Variants in LINGO2 observed in about 807,000 individuals in gnomAD.
LINGO2 encodes the protein leucine rich repeat and Ig domain containing 2, also known as leucine-rich repeat and immunoglobulin-like domain-containing nogo receptor-interacting protein 2.
LINGO2 carries 14 observed loss-of-function variants against 30.6 expected under a neutral mutation model. The ratio of observed to expected loss-of-function variants is 0.46; its 90% CI spans 0.30 to 0.72. The LOEUF is 0.72. LINGO2 is among the 30% of genes least tolerant of loss of function. LINGO2 has a pLI of 0.07. For synonymous variants in LINGO2, 317 were observed against 288.5 expected, an observed-to-expected ratio of 1.10 and a Z score of -1.00; for missense variants, 729 against 751.7, an observed-to-expected ratio of 0.97 and a Z score of 0.35.
the LINGO2 span, among the ~76,000 whole-genome samples, chr9:28,877,946 T>A: frequency 6.6e-6 from 1 of 152,124 alleles, no homozygotes; most frequent in Non-Finnish European, 1.5e-5. Context: ...GGTTTGTAGT[T>A]CTCCTTGAAG....
chr9:28,304,323 A>G (rs1824260936), intron 3 of LINGO2, among the ~76,000 whole-genome samples: 1 of 151,112 alleles, frequency 6.6e-6, no homozygotes, highest in Non-Finnish European at 1.5e-5. Context: ...ACATATATGT[A>G]TAATTTGTAT....
chr9:28,305,815 C>T (rs915969856), intron 3 of LINGO2, among the ~76,000 whole-genome samples: 4 of 151,946 alleles, frequency 2.6e-5, no homozygotes, highest in Admixed American at 6.6e-5. Flanking sequence ...ATGAATGTGG[C>T]GTTCATTCAT....
the LINGO2 span, among the ~76,000 whole-genome samples, chr9:28,883,628 G>GTGTATGTA: frequency 3.3e-4 from 21 of 64,180 alleles, 1 homozygote; most frequent in South Asian, 1.3e-3. Flanking sequence ...ATGTGTGTGT[G>GTGTATGTA]TATATATATA....
chr9:28,189,055 AG>A (rs1487192256), intron 4 of LINGO2, among the ~76,000 whole-genome samples: 1 of 71,148 alleles, frequency 1.4e-5, no homozygotes, highest in Admixed American at 1.7e-4. Context: ...GATATATCCC[AG>A]AAAAGTTCAC....
At chr9:29,152,749 T>TA in the LINGO2 span, among the ~76,000 whole-genome samples, 5 of 152,168 alleles carry the variant, frequency 3.3e-5, no homozygotes, top group Non-Finnish European at 7.4e-5. Flanking sequence ...TCACACAACT[T>TA]ACCTATGTAG....
chr9:28,704,685 C>G, the LINGO2 span, among the ~76,000 whole-genome samples: 3 of 152,108 alleles, frequency 2.0e-5, no homozygotes, highest in African/African-American at 7.2e-5. Context: ...TCTCAGTCTA[C>G]TAGTGAGTGA....
chr9:28,740,520 C>T, the LINGO2 span, among the ~76,000 whole-genome samples: 7 of 151,586 alleles, frequency 4.6e-5, no homozygotes, highest in Non-Finnish European at 1.0e-4. Flanking sequence ...AATATTATTG[C>T]TGATAGGGCT....
intron 1 of LINGO2, among the ~76,000 whole-genome samples, chr9:28,486,501 A>G (rs1449693994): frequency 6.6e-6 from 1 of 152,186 alleles, no homozygotes; most frequent in Admixed American, 6.6e-5. Flanking sequence ...CCAGTGCCTT[A>G]TATTTTCCAA....
intron 2 of LINGO2, among the ~76,000 whole-genome samples, chr9:28,430,105 C>CGTGTGTGT (rs1282819258): frequency 6.6e-4 from 20 of 30,306 alleles, no homozygotes; most frequent in African/African-American, 1.2e-3. Flanking sequence ...CACGCGCGCG[C>CGTGTGTGT]GCGCGTGTGT....
At chr9:28,955,360 TTC>T in the LINGO2 span, among the ~76,000 whole-genome samples, 3 of 152,128 alleles carry the variant, frequency 2.0e-5, no homozygotes, top group African/African-American at 7.2e-5. Flanking sequence ...GTCACAGATT[TTC>T]TCTCTCTTCT....
At chr9:28,534,954 A>G (rs1420233456) in intron 1 of LINGO2, among the ~76,000 whole-genome samples, 1 of 152,138 alleles carries the variant, frequency 6.6e-6, no homozygotes, top group South Asian at 2.1e-4. Context: ...ATGTGTATGT[A>G]TATACATACA....
intron 4 of LINGO2, among the ~76,000 whole-genome samples, chr9:28,265,980 G>A (rs1822736240): frequency 6.6e-6 from 1 of 151,974 alleles, no homozygotes; most frequent in South Asian, 2.1e-4. Context: ...TGATAAGGAT[G>A]GAGTCTGAAG....
chr9:28,991,267 A>G, the LINGO2 span, among the ~76,000 whole-genome samples: 15 of 151,634 alleles, frequency 9.9e-5, no homozygotes, highest in Middle Eastern at 3.2e-3. Context: ...GGGTATCAGC[A>G]ATGGAAGATG....
the LINGO2 span, among the ~76,000 whole-genome samples, chr9:28,726,078 A>G: frequency 6.6e-6 from 1 of 152,290 alleles, no homozygotes; most frequent in South Asian, 2.1e-4. Flanking sequence ...TCTAAGCTAA[A>G]TATTGACTAT....
At chr9:28,824,883 G>C in the LINGO2 span, among the ~76,000 whole-genome samples, 1 of 152,128 alleles carries the variant, frequency 6.6e-6, no homozygotes, top group Non-Finnish European at 1.5e-5. Flanking sequence ...CTTGTAGTAT[G>C]ACCTTAAGCA....
At chr9:28,938,878 T>C in the LINGO2 span, among the ~76,000 whole-genome samples, 6 of 152,142 alleles carry the variant, frequency 3.9e-5, no homozygotes, top group Non-Finnish European at 5.9e-5. Flanking sequence ...TTGTCCACTG[T>C]GTTTTCCTGG....
the LINGO2 span, among the ~76,000 whole-genome samples, chr9:29,052,520 A>G: frequency 6.6e-6 from 1 of 152,206 alleles, no homozygotes; most frequent in Non-Finnish European, 1.5e-5. Flanking sequence ...TCAGAAATCT[A>G]CTTTTGAAGA....
At chr9:29,049,450 G>A in the LINGO2 span, among the ~76,000 whole-genome samples, 1 of 152,116 alleles carries the variant, frequency 6.6e-6, no homozygotes, top group African/African-American at 2.4e-5. Flanking sequence ...CCACTGCTGG[G>A]TATATACCCA....
chr9:28,322,255 T>C lies in LINGO2; in HGVS notation c.-245-26889A>G, dbSNP rs114293870. Among the ~76,000 whole-genome samples, 479 of 152,302 alleles carry C rather than the reference T, an allele frequency of 3.1e-3. 3 individuals are homozygous for C. Among genetic ancestry groups the C allele is most frequent in the African/African-American group, 0.011 (454 of 41,574 alleles). ...ATCATTTGGATGACAGCACAAATGT[T>C]TCCTCATCAGAGAGGTTTTCACTGA... is the stretch of plus-strand genomic sequence containing the variant. On this transcript the variant is annotated intron_variant, in intron 3 of 5. Transcript: ENST00000379992.
Sources: gnomAD v4.1 joint callset for allele counts (sites outside exome capture counted in the v4.1 genomes callset) on GRCh38, gnomAD v4.1.1 for gene constraint, MANE v1.5 for transcripts, NCBI Gene and HGNC (gene_info 2026-07-23, HGNC 2026-07-21) for gene names.